Variants in CMC2 observed in about 807,000 individuals in gnomAD.
The protein encoded by CMC2 is COX assembly mitochondrial protein 2 homolog.
Under a neutral mutation model 7.5 loss-of-function variants are expected in CMC2, and 5 were observed. That is an observed-to-expected ratio of 0.66 (90% CI 0.35 to 1.40). The LOEUF is 1.40. CMC2 is among the 40% of genes most tolerant of loss of function. The pLI, the probability that CMC2 is intolerant of heterozygous loss-of-function variation, is 0.04. For synonymous variants in CMC2, 37 were observed against 31.4 expected, an observed-to-expected ratio of 1.18 and a Z score of -0.60; for missense variants, 115 against 92.3, an observed-to-expected ratio of 1.25 and a Z score of -1.01.
In CMC2 at chr16:81,006,836, G is replaced by C. The variant is rs1969408125; in HGVS notation, c.-138C>G. On this transcript the variant is annotated 5_prime_UTR_variant, in exon 1 of 4. Transcript: ENST00000219400. ...GAGCAGACAGCTGAACCGCTTGCCA[G>C]ACGCCGAAACCCAGTGACGCCCTCC... 1 of 985,492 alleles carries C rather than the reference G, an allele frequency of 1.0e-6. No homozygotes were observed. Among genetic ancestry groups the C allele is most frequent in the Non-Finnish European group, 1.2e-6 (1 of 830,068 alleles). The allele number at this position is 985,492 out of a possible 1,614,324, so 61.0% of individuals were successfully genotyped here.
At chr16:80,993,597 T>G (rs977718738) in intron 2 of CMC2, among the ~76,000 whole-genome samples, 1 of 152,300 alleles carries the variant, frequency 6.6e-6, no homozygotes, top group South Asian at 2.1e-4. Context: ...CACACAGGGC[T>G]GGGAGTCAAT....
chr16:80,967,514 T>C lies in CMC2; in HGVS notation c.*8579A>G, dbSNP rs1911638371. On this transcript the variant is annotated 3_prime_UTR_variant, in exon 4 of 4. Transcript: ENST00000219400. Reference sequence around the variant, plus strand: ...ACTACCACGCCCGGATAATTTTTTGTATTTTTAGTAGAGACGGGGTTTCAC... The same window carrying C: ...ACTACCACGCCCGGATAATTTTTTGCATTTTTAGTAGAGACGGGGTTTCAC... 1 of 152,274 alleles carries C rather than the reference T, an allele frequency of 6.6e-6. No homozygotes were observed. The highest frequency in any genetic ancestry group is 6.5e-5 in the Admixed American group (1 of 15,280). 9.4% of individuals were successfully genotyped at this position (152,274 alleles called of 1,614,324 possible).
At chr16:80,977,217 G>A (rs1031559353) in intron 3 of CMC2, among the ~76,000 whole-genome samples, 2 of 152,150 alleles carry the variant, frequency 1.3e-5, no homozygotes, top group African/African-American at 4.8e-5. Flanking sequence ...TATAAACACA[G>A]TTTTCACCTC....
intron 2 of CMC2, among the ~76,000 whole-genome samples, chr16:80,986,346 C>T (rs1052890492): frequency 1.3e-5 from 2 of 151,302 alleles, no homozygotes; most frequent in Non-Finnish European, 2.9e-5. Context: ...AGAAACTCTG[C>T]CTCAAAACTA....
At chr16:80,976,283 G>A in intron 3 of CMC2, 104 bp from the exon 4 acceptor site, 1 of 616,926 alleles carries the variant, frequency 1.6e-6, no homozygotes, top group Non-Finnish European at 2.8e-6. Context: ...TGTCCTTTGA[G>A]GTTAACAGGG....
chr16:80,981,916 A>C (rs1193025030), intron 2 of CMC2, 39 bp from the exon 3 acceptor site: 4 of 1,349,284 alleles, frequency 3.0e-6, no homozygotes, highest in Non-Finnish European at 4.2e-6. Flanking sequence ...TCATCCCATA[A>C]TATGCCAAGG....
chr16:81,000,389 G>A (rs1013626349), intron 1 of CMC2, among the ~76,000 whole-genome samples: 1 of 152,106 alleles, frequency 6.6e-6, no homozygotes, highest in Non-Finnish European at 1.5e-5. Context: ...CCAGCTACTC[G>A]AGAGGCTGAG....
chr16:80,979,944 G>T (rs1966993387), intron 3 of CMC2, among the ~76,000 whole-genome samples: 1 of 150,746 alleles, frequency 6.6e-6, no homozygotes, highest in South Asian at 2.1e-4. Flanking sequence ...TAGAGATAGG[G>T]TCTCACTCTG....
rs1236697746 is a variant in CMC2, at chr16:80,968,120, T to C, written c.*7973A>G. The C allele has an allele frequency of 6.6e-6, 1 of 152,028 alleles. No individual in the cohort carries two copies. Among genetic ancestry groups the C allele is most frequent in the Non-Finnish European group, 1.5e-5 (1 of 68,006 alleles). The allele number at this position is 152,028 out of a possible 1,614,324, so 9.4% of individuals were successfully genotyped here. A position where few individuals can be genotyped will look rare whatever the true frequency, so the allele number is the denominator to read the frequency against. ...TGGAAGGCAGTTACATCAGAAAGAGTCTAAGTCAATGCTTCTCCAATTTTT... is the reference window on the plus strand; with the variant it reads ...TGGAAGGCAGTTACATCAGAAAGAGCCTAAGTCAATGCTTCTCCAATTTTT... On this transcript the variant is annotated 3_prime_UTR_variant, in exon 4 of 4. Transcript: ENST00000219400.
intron 3 of CMC2, among the ~76,000 whole-genome samples, chr16:80,979,461 G>A (rs1164602199): frequency 1.3e-5 from 2 of 151,610 alleles, no homozygotes; most frequent in Admixed American, 1.3e-4. Context: ...CAAAGCAGTG[G>A]CAAAATTTCT....
At chr16:80,988,633 C>T (rs1275999187) in intron 2 of CMC2, 37 of 696,470 alleles carry the variant, frequency 5.3e-5, no homozygotes, top group Admixed American at 2.9e-4. Flanking sequence ...AGTCTCCATA[C>T]GATTACCAAA....
At chr16:80,982,986 AG>A in intron 2 of CMC2, 1 of 188,588 alleles carries the variant, frequency 5.3e-6, no homozygotes. Flanking sequence ...CTGTAGATTG[AG>A]GTCTGCAGCT....
intron 1 of CMC2, among the ~76,000 whole-genome samples, chr16:81,004,386 C>T (rs1640979472): frequency 6.6e-6 from 1 of 152,200 alleles, no homozygotes; most frequent in Non-Finnish European, 1.5e-5. Context: ...GACCCCAAGC[C>T]AGGCTGCTCC....
At chr16:80,988,237 T>C (rs902313495) in intron 2 of CMC2, among the ~76,000 whole-genome samples, 2 of 152,128 alleles carry the variant, frequency 1.3e-5, no homozygotes, top group African/African-American at 2.4e-5. Context: ...AGAATTATGG[T>C]TGTTTTAAGT....
In CMC2 at chr16:80,975,536, T is replaced by G. The variant is rs1477041758; in HGVS notation, c.*557A>C. ...GGCTGAGGCTGGAGAATCACTTGAATCCGGGAGGTGGAGGTTACAGTAAGC... is the reference window on the plus strand; with the variant it reads ...GGCTGAGGCTGGAGAATCACTTGAAGCCGGGAGGTGGAGGTTACAGTAAGC... On this transcript the variant is annotated 3_prime_UTR_variant, in exon 4 of 4. Transcript: ENST00000219400. 6.6e-6 allele frequency: 1 copy of G among 152,014 alleles called. No individual in the cohort carries two copies. The highest frequency in any genetic ancestry group is 1.5e-5 in the Non-Finnish European group (1 of 68,042). The allele number at this position is 152,014 out of a possible 1,614,324, so 9.4% of individuals were successfully genotyped here.
intron 2 of CMC2, among the ~76,000 whole-genome samples, chr16:80,991,531 C>T (rs1017599354): frequency 7.2e-5 from 11 of 151,840 alleles, no homozygotes; most frequent in Admixed American, 4.6e-4. Context: ...GTCCCAGCTA[C>T]TCGGGAGGGT....
At chr16:80,995,054 G>C (rs1968298456) in intron 2 of CMC2, among the ~76,000 whole-genome samples, 1 of 152,180 alleles carries the variant, frequency 6.6e-6, no homozygotes, top group East Asian at 1.9e-4. Context: ...GCTGAGGCAG[G>C]AGAATTGCTT....
At position 80,967,422 on chromosome 16, in the gene CMC2, C is replaced by T. The variant is rs1291497693; in HGVS notation, c.*8671G>A. 1 of 152,460 alleles carries T rather than the reference C, an allele frequency of 6.6e-6. No homozygotes were observed. Among genetic ancestry groups the T allele is most frequent in the East Asian group, 1.9e-4 (1 of 5,190 alleles). The allele number at this position is 152,460 out of a possible 1,614,324, so 9.4% of individuals were successfully genotyped here. On this transcript the variant is annotated 3_prime_UTR_variant, in exon 4 of 4. Coordinates refer to ENST00000219400, the MANE Select transcript of CMC2 (RefSeq NM_020188.5). The stretch of plus-strand genomic sequence containing the variant: ...TGGCACGATCTCGGCTCACTGCAAG[C>T]TCCGCCTCCCGGGTTCACGCCATTC...
At chr16:80,990,953 C>T (rs1467656441) in intron 2 of CMC2, among the ~76,000 whole-genome samples, 1 of 151,486 alleles carries the variant, frequency 6.6e-6, no homozygotes, top group African/African-American at 2.4e-5. Flanking sequence ...TCTTGAACTC[C>T]TGGGCTCAAG....
Sources: gnomAD v4.1 joint callset for allele counts (sites outside exome capture counted in the v4.1 genomes callset) on GRCh38, gnomAD v4.1.1 for gene constraint, MANE v1.5 for transcripts, NCBI Gene and HGNC (gene_info 2026-07-23, HGNC 2026-07-21) for gene names.